The following SUSD2 variants were observed in gnomAD, a reference collection of about 807,000 sequenced individuals.
SUSD2 encodes the protein sushi domain containing 2, also known as sushi domain-containing protein 2.
SUSD2 carries 86 observed loss-of-function variants against 93.8 expected under a neutral mutation model. That is an observed-to-expected ratio of 0.92 (90% CI 0.77 to 1.10). SUSD2 has a LOEUF of 1.10. Ranked by LOEUF, SUSD2 falls within the 50% of genes least tolerant of loss-of-function variation. The pLI, the probability that SUSD2 is intolerant of heterozygous loss-of-function variation, is 0.00. For synonymous variants in SUSD2, 483 were observed against 485.0 expected (o/e 1.00, Z 0.05); for missense variants, 1,060 against 1,137.0 (o/e 0.93, Z 0.97).
chr22:24,186,496 G>A, intron 10 of SUSD2, 81 bp downstream of exon 10: 1 of 1,518,522 alleles, frequency 6.6e-7, no homozygotes, highest in Non-Finnish European at 8.9e-7. Flanking sequence ...GGAAGCCCTG[G>A]GCCTTCATGC....
rs1378536210 is a variant in SUSD2, at chr22:24,185,734, G to A, written c.1144G>A (p.Gly382Ser). The stretch of plus-strand genomic sequence containing the variant: ...GCAGCTCCTGACAGCTGACTCCAGC[G>A]GCGGCAGCACTCCCGACCGCGGCCA... Reference protein sequence around the residue: ...GTQLLTADSSGGSTPDRGHDW... With the variant: ...GTQLLTADSSSGSTPDRGHDW... The change falls in exon 8 of 15, where the codon GGC becomes AGC. Residue 382 changes from glycine (G) to serine (S), a missense_variant. Physicochemically the swap from Gly to Ser is moderately conservative, Grantham distance 56. This residue lies in a region of SUSD2 where 973 missense variants were observed against 1,005.3 expected (regional missense o/e 0.97). Transcript: ENST00000358321. The A allele has an allele frequency of 6.2e-6, 10 of 1,609,672 alleles. No homozygotes were observed. Among genetic ancestry groups the A allele is most frequent in the Admixed American group, 1.7e-5 (1 of 59,808 alleles).
intron 10 of SUSD2, chr22:24,186,917 G>A (rs2047370268): frequency 1.1e-5 from 6 of 530,710 alleles, no homozygotes; most frequent in Non-Finnish European, 2.0e-5. Flanking sequence ...ACGTGCCCAG[G>A]CAGGTGTGGC....
chr22:24,183,858 G>A (rs1316675884), intron 3 of SUSD2: 3 of 661,920 alleles, frequency 4.5e-6, no homozygotes, highest in Non-Finnish European at 7.6e-6. Context: ...GAGCTGCAGG[G>A]GTCCCTAGAG....
In SUSD2 at chr22:24,187,971, G is replaced by T; in HGVS notation, c.2177G>T (p.Gly726Val). ...GTCCCCATCCCAGTGGTGTCCTGTG[G>T]CTGGCTGGCCCCACCTCCCAACGGA... ...MQSLQPVVSC[G>V]WLAPPPNGQK... The change falls in exon 13 of 15, where the codon GGC becomes GTC. Residue 726 changes from glycine (G) to valine (V), a missense_variant. This residue lies in a region of SUSD2 where 973 missense variants were observed against 1,005.3 expected (regional missense o/e 0.97). Transcript: ENST00000358321. 6.2e-7 allele frequency: 1 copy of T among 1,612,828 alleles called. No homozygotes were observed. The highest frequency in any genetic ancestry group is 8.5e-7 in the Non-Finnish European group (1 of 1,179,938).
At position 24,185,470 on chromosome 22, in the gene SUSD2, A is replaced by G. The variant is rs1601340549; in HGVS notation, c.985-16A>G. The G allele has an allele frequency of 1.9e-6, 3 of 1,555,084 alleles. No individual in the cohort carries two copies. Among genetic ancestry groups the G allele is most frequent in the South Asian group, 1.2e-5 (1 of 84,722 alleles). On this transcript the variant is annotated splice_polypyrimidine_tract_variant and intron_variant, in intron 6 of 14. Coordinates refer to ENST00000358321, the MANE Select transcript of SUSD2 (RefSeq NM_019601.4). ...AACCCGAGGCCACTGGGTGACAGCC[A>G]CCTGCTGCTCTGCAGACGGACTACG...
chr22:24,184,309 G>A lies in SUSD2; in HGVS notation c.607+6G>A. 1 of 1,612,454 alleles carries A rather than the reference G, an allele frequency of 6.2e-7. No homozygotes were observed. The highest frequency in any genetic ancestry group is 1.1e-5 in the South Asian group (1 of 91,070). On this transcript the variant is annotated splice_donor_region_variant and intron_variant, in intron 4 of 14. Transcript: ENST00000358321. ...GTGGGGCTACGAGGAGACAGGTGAG[G>A]CCAGCTGAGGGCTGGGGTGGCATCA...
chr22:24,187,170 G>C, intron 10 of SUSD2, 32 bp from the exon 11 acceptor site: 2 of 1,599,832 alleles, frequency 1.3e-6, no homozygotes, highest in Non-Finnish European at 1.7e-6. Flanking sequence ...TGCTCACAGC[G>C]GGTGACCCTA....
rs1349150748 is a variant in SUSD2 at position 24,184,292 on chromosome 22, A to G, written c.596A>G (p.Tyr199Cys). ...ACCATCACCATCGAACTGTGGGGCTACGAGGAGACAGGTGAGGCCAGCTGA... is the reference window on the plus strand; with the variant it reads ...ACCATCACCATCGAACTGTGGGGCTGCGAGGAGACAGGTGAGGCCAGCTGA... Reference protein sequence around the residue: ...TQTITIELWGYEETGMPYSQE... With the variant: ...TQTITIELWGCEETGMPYSQE... The change falls in exon 4 of 15, where the codon TAC (tyrosine) becomes TGC (cysteine). Residue 199 changes from tyrosine to cysteine, a missense_variant. Physicochemically the swap from Tyr to Cys is radical, Grantham distance 194 (BLOSUM62 -2). Transcript: ENST00000358321. 1 of 1,613,230 alleles carries G rather than the reference A, an allele frequency of 6.2e-7. No individual in the cohort carries two copies. Among genetic ancestry groups the G allele is most frequent in the East Asian group, 2.2e-5 (1 of 44,902 alleles).
At position 24,188,082 on chromosome 22, in the gene SUSD2, G is replaced by A. The variant is rs775084008; in HGVS notation, c.2288G>A (p.Ser763Asn). ...TACAGCCTGGCCGGGGCAGAGACCA[G>A]CACCTGCCAGGCTGACGGCACCTGG... ...NGYSLAGAETSTCQADGTWSS... is the reference protein window; with the variant it reads ...NGYSLAGAETNTCQADGTWSS... Residue 763 changes from serine to asparagine, a missense_variant, in exon 13 of 15, where the codon AGC (serine) becomes AAC (asparagine). Physicochemically the swap from Ser to Asn is conservative, Grantham distance 46. Transcript: ENST00000358321. This position sits in a 1 kb window ranked among gnomAD's most constrained non-coding sequence, Gnocchi z 4.7. The A allele has an allele frequency of 1.1e-5, 18 of 1,612,782 alleles. No individual in the cohort carries two copies. In the East Asian group the frequency reaches 3.3e-4, roughly 30 times the overall value.
Position 24,184,776 on chromosome 22 carries a change from C to G in SUSD2, c.618C>G (p.Tyr206Ter). The G allele has an allele frequency of 1.9e-6, 3 of 1,597,760 alleles. No homozygotes were observed. The highest frequency in any genetic ancestry group is 1.1e-5 in the South Asian group (1 of 88,946). ...LWGYEETGMP[Y>*]SQEWTAKWSY... Reference sequence around the variant, plus strand: ...CATCCTCTCCCTCAGGAATGCCCTACTCACAGGAGTGGACTGCAAAGTGGT... The same window carrying G: ...CATCCTCTCCCTCAGGAATGCCCTAGTCACAGGAGTGGACTGCAAAGTGGT... The change falls in exon 5 of 15, where the codon TAC (tyrosine) becomes TAG (stop). Residue 206 changes from tyrosine to a stop codon, truncating the protein, a stop_gained. Coordinates refer to ENST00000358321, the MANE Select transcript of SUSD2 (RefSeq NM_019601.4). LOFTEE classifies it high-confidence loss of function.
Position 24,188,380 on chromosome 22 carries a change from C to T in SUSD2, c.2445-32C>T, listed in dbSNP as rs1238225215. On this transcript the variant is annotated intron_variant, in intron 14 of 14. Transcript: ENST00000358321. This position sits in a 1 kb window ranked among gnomAD's most constrained non-coding sequence, Gnocchi z 4.7. Reference sequence around the variant, plus strand: ...ACCCCGAGACAGCCGGTGGGACCACCGAGGCTACTTCTAACTGCGTTTCTG... The same window carrying T: ...ACCCCGAGACAGCCGGTGGGACCACTGAGGCTACTTCTAACTGCGTTTCTG... 6.2e-6 allele frequency: 10 copies of T among 1,611,156 alleles called. No individual in the cohort carries two copies. In the East Asian group the frequency reaches 1.1e-4, roughly 18 times the overall value.
At chr22:24,186,450 C>T in intron 10 of SUSD2, 35 bp downstream of exon 10, 8 of 1,604,598 alleles carry the variant, frequency 5.0e-6, no homozygotes, top group Non-Finnish European at 6.0e-6. Flanking sequence ...TGCGGGCTGC[C>T]CTCACCTCCT....
rs2047380932 is a variant in SUSD2 at position 24,187,858 on chromosome 22, G to A, written c.2164+15G>A. The A allele has an allele frequency of 6.2e-7, 1 of 1,606,278 alleles. No individual in the cohort carries two copies. The highest frequency in any genetic ancestry group is 8.5e-7 in the Non-Finnish European group (1 of 1,175,770). ...CCTGCAGCCAGGTGAGGGCGGGCAG[G>A]TGGGGGTGGGCGGGGAGCTGGGACA... On this transcript the variant is annotated intron_variant, in intron 12 of 14. Coordinates refer to ENST00000358321, the MANE Select transcript of SUSD2 (RefSeq NM_019601.4).
chr22:24,183,979 C>A, intron 3 of SUSD2, 157 bp from the exon 4 acceptor site: 2 of 741,184 alleles, frequency 2.7e-6, no homozygotes, highest in East Asian at 2.7e-5. Flanking sequence ...GCCTCTGCGG[C>A]CTCAGCGTCC....
rs201607229 is a variant in SUSD2 at position 24,185,050 on chromosome 22, G to A, written c.783-44G>A. On this transcript the variant is annotated intron_variant, in intron 5 of 14. Transcript: ENST00000358321. ...GGGTGGGGAGAGTGGGGCGACCATG[G>A]GGTGGTGTGGGCTGGCCCAGCTCCA... is the stretch of plus-strand genomic sequence containing the variant. The A allele has an allele frequency of 5.0e-6, 8 of 1,611,086 alleles. No homozygotes were observed. In the East Asian group the frequency reaches 1.8e-4, roughly 36 times the overall value.
rs950198811 is a variant in SUSD2 at position 24,183,781 on chromosome 22, C to G, written c.439+135C>G. 2.6e-5 allele frequency: 26 copies of G among 1,015,890 alleles called. No individual in the cohort carries two copies. The Admixed American group carries it at 6.6e-4, about 26-fold the overall frequency. The allele number at this position is 1,015,890 out of a possible 1,614,324, so 62.9% of individuals were successfully genotyped here. A position where few individuals can be genotyped will look rare whatever the true frequency, so the allele number is the denominator to read the frequency against. On this transcript the variant is annotated intron_variant, in intron 3 of 14. Transcript: ENST00000358321. The stretch of plus-strand genomic sequence containing the variant: ...GTCCCTTGGGAGGCCTGCCCGCCTG[C>G]GAGAGTTCCTTCAGCTCCTTTCCAC...
Position 24,185,934 on chromosome 22 carries a change from G to A in SUSD2, c.1339+5G>A, listed in dbSNP as rs2047362448. 1.9e-6 allele frequency: 3 copies of A among 1,565,892 alleles called. No homozygotes were observed. Among genetic ancestry groups the A allele is most frequent in the Non-Finnish European group, 2.6e-6 (3 of 1,151,870 alleles). ...ACTACCGGCCCCCAAGACTGGGTGGGTGCCATCCCGTGCCCCAGACCCTGG... is the reference window on the plus strand; with the variant it reads ...ACTACCGGCCCCCAAGACTGGGTGGATGCCATCCCGTGCCCCAGACCCTGG... On this transcript the variant is annotated splice_donor_5th_base_variant and intron_variant, in intron 8 of 14. Coordinates refer to ENST00000358321, the MANE Select transcript of SUSD2 (RefSeq NM_019601.4).
rs370244961 is a variant in SUSD2 at position 24,184,170 on chromosome 22, C to T, written c.474C>T (p.Ser158=). The change falls in exon 4 of 15, where the codon AGC becomes AGT. Residue 158 remains serine, a synonymous_variant. Transcript: ENST00000358321. ...HPNKVSMMEK[S]ELVNETRWQY... is the part of the protein sequence containing the mutation. Reference sequence around the variant, plus strand: ...ACAAAGTGTCAATGATGGAGAAGAGCGAGTTGGTGAACGAGACGCGTTGGC... The same window carrying T: ...ACAAAGTGTCAATGATGGAGAAGAGTGAGTTGGTGAACGAGACGCGTTGGC... 4.8e-5 allele frequency: 77 copies of T among 1,612,634 alleles called. No homozygotes were observed. Among genetic ancestry groups the T allele is most frequent in the Non-Finnish European group, 6.4e-5 (75 of 1,179,998 alleles).
chr22:24,185,754 C>G lies in SUSD2; in HGVS notation c.1164C>G (p.Arg388=), dbSNP rs149352625. The G allele has an allele frequency of 6.2e-7, 1 of 1,609,220 alleles. No individual in the cohort carries two copies. The highest frequency in any genetic ancestry group is 8.5e-7 in the Non-Finnish European group (1 of 1,178,640). Residue 388 remains arginine (R), a synonymous_variant, in exon 8 of 15, where the codon CGC becomes CGG. Transcript: ENST00000358321. ...ADSSGGSTPD[R]GHDWGAPPFR... is the part of the protein sequence containing the mutation. ...CCAGCGGCGGCAGCACTCCCGACCG[C>G]GGCCATGACTGGGGCGCACCCCCGT...
Sources: allele counts gnomAD v4.1 joint callset, GRCh38; gene constraint gnomAD v4.1.1; regional missense constraint gnomAD v4.1.1; non-coding constraint Gnocchi (gnomAD v3.1); transcripts MANE v1.5; gene names NCBI Gene and HGNC (gene_info 2026-07-23, HGNC 2026-07-21).